The following SGCD variants were observed in gnomAD, a reference collection of about 807,000 sequenced individuals.
SGCD encodes sarcoglycan delta.
A neutral mutation model predicts 36.6 loss-of-function variants in SGCD; 18 were observed. The observed-to-expected ratio is 0.49, with a 90% CI of 0.34 to 0.73. The LOEUF is 0.73. Ranked by LOEUF, SGCD falls within the 30% of genes least tolerant of loss-of-function variation. SGCD has a pLI of 0.01. For synonymous variants in SGCD, 133 were observed against 130.6 expected, an observed-to-expected ratio of 1.02 and a Z score of -0.12; for missense variants, 387 against 346.7, an observed-to-expected ratio of 1.12 and a Z score of -0.92.
rs533887584 is a variant in SGCD, at chr5:156,290,146, C to T, written c.-43-39388C>T. Among the ~76,000 whole-genome samples, 20 of 152,150 alleles carry T rather than the reference C, an allele frequency of 1.3e-4. No individual in the cohort carries two copies. In the South Asian group the frequency reaches 4.2e-3, roughly 32 times the overall value. On this transcript the variant is annotated intron_variant, in intron 3 of 9. Coordinates refer to the SGCD transcript ENST00000517913. Reference sequence around the variant, plus strand: ...TACTGTGGTGAGAGTGCTGTGGGTCCTTTGATCTTCCCAACTACCCTAAAC... The same window carrying T: ...TACTGTGGTGAGAGTGCTGTGGGTCTTTTGATCTTCCCAACTACCCTAAAC...
At chr5:156,045,591 T>C (rs1430984731) in intron 1 of SGCD, among the ~76,000 whole-genome samples, 1 of 152,166 alleles carries the variant, frequency 6.6e-6, no homozygotes, top group Non-Finnish European at 1.5e-5. Context: ...AAAAATTTAC[T>C]TCTTTACACT....
intron 1 of SGCD, among the ~76,000 whole-genome samples, chr5:155,963,807 T>A (rs927340644): frequency 6.6e-4 from 101 of 152,208 alleles, no homozygotes; most frequent in African/African-American, 2.1e-3. Context: ...AGTGTTTTAC[T>A]TTTTTTATAA....
At chr5:155,943,961 A>G (rs1282517266) in intron 1 of SGCD, among the ~76,000 whole-genome samples, 5 of 152,228 alleles carry the variant, frequency 3.3e-5, no homozygotes, top group Admixed American at 1.3e-4. Context: ...TGAAATTTGC[A>G]TCTTTGAACC....
chr5:156,191,394 A>C (rs1763890228), intron 3 of SGCD, among the ~76,000 whole-genome samples: 1 of 152,298 alleles, frequency 6.6e-6, no homozygotes, highest in African/African-American at 2.4e-5. Context: ...ACGCATTAAA[A>C]GGAGTGTCAA....
At chr5:155,973,865 C>T (rs536949451) in intron 1 of SGCD, among the ~76,000 whole-genome samples, 90 of 152,266 alleles carry the variant, frequency 5.9e-4, no homozygotes, top group Non-Finnish European at 9.9e-4. Flanking sequence ...GCTCATTTAA[C>T]CCCAAACCTT....
intron 3 of SGCD, among the ~76,000 whole-genome samples, chr5:156,397,354 T>G (rs1238276921): frequency 1.3e-5 from 2 of 152,216 alleles, no homozygotes; most frequent in Admixed American, 1.3e-4. Context: ...TTGTTTTGCT[T>G]TTTATAAACT....
In SGCD at chr5:156,198,472, C is replaced by T. The variant is rs1054853469; in HGVS notation, c.-44+74453C>T. Reference sequence around the variant, plus strand: ...TTATGAAATAGGCACTGTTATAGTCCCTGCTGTGTAGAGAAGGAATCTGAG... The same window carrying T: ...TTATGAAATAGGCACTGTTATAGTCTCTGCTGTGTAGAGAAGGAATCTGAG... On this transcript the variant is annotated intron_variant, in intron 3 of 9. Transcript: ENST00000517913. 2.6e-5 allele frequency among the ~76,000 whole-genome samples: 4 copies of T among 151,920 alleles called. No homozygotes were observed. The South Asian group carries it at 8.3e-4, about 32-fold the overall frequency.
chr5:156,102,523 A>G (rs990450293), intron 1 of SGCD, among the ~76,000 whole-genome samples: 1 of 152,116 alleles, frequency 6.6e-6, no homozygotes, highest in Non-Finnish European at 1.5e-5. Flanking sequence ...TCTTCAGTAA[A>G]ATAGTTCTGT....
intron 3 of SGCD, among the ~76,000 whole-genome samples, chr5:156,260,527 T>C (rs1219017026): frequency 6.6e-6 from 1 of 152,170 alleles, no homozygotes; most frequent in Non-Finnish European, 1.5e-5. Context: ...TGAATACCCA[T>C]TGTTAGTAAA....
chr5:156,444,246 T>C (rs1753665783), intron 3 of SGCD, among the ~76,000 whole-genome samples: 1 of 151,346 alleles, frequency 6.6e-6, no homozygotes, highest in African/African-American at 2.4e-5. Context: ...GTGTTTCTGT[T>C]TGCTTTTTCC....
At chr5:156,207,173 G>A (rs1764302783) in intron 3 of SGCD, among the ~76,000 whole-genome samples, 1 of 151,946 alleles carries the variant, frequency 6.6e-6, no homozygotes, top group Admixed American at 6.6e-5. Flanking sequence ...GTGTGGGAGG[G>A]TATGACTTCT....
At chr5:156,225,765 G>T (rs1274899568) in intron 3 of SGCD, among the ~76,000 whole-genome samples, 1 of 151,806 alleles carries the variant, frequency 6.6e-6, no homozygotes, top group Non-Finnish European at 1.5e-5. Context: ...TGACAGGAGA[G>T]AATTTTTGAT....
chr5:155,819,715 C>T, the SGCD span, among the ~76,000 whole-genome samples: 1 of 152,148 alleles, frequency 6.6e-6, no homozygotes, highest in Admixed American at 6.5e-5. Context: ...CCACACAGCA[C>T]TTTTTCTGAA....
chr5:156,374,162 A>G (rs1335623544), intron 3 of SGCD, among the ~76,000 whole-genome samples: 1 of 152,064 alleles, frequency 6.6e-6, no homozygotes, highest in East Asian at 1.9e-4. Context: ...AAAAAAAAAA[A>G]ATGCATGGCA....
At chr5:156,460,965 T>C (rs1754459857) in intron 3 of SGCD, among the ~76,000 whole-genome samples, 3 of 152,166 alleles carry the variant, frequency 2.0e-5, no homozygotes. Flanking sequence ...TGAAATTAAT[T>C]AAATATGTGT....
chr5:155,753,457 G>T, the SGCD span, among the ~76,000 whole-genome samples: 4 of 152,076 alleles, frequency 2.6e-5, no homozygotes, highest in African/African-American at 9.7e-5. Context: ...TCATTTATTG[G>T]TTCTAAAAAG....
intron 3 of SGCD, among the ~76,000 whole-genome samples, chr5:156,467,568 A>G (rs1484568738): frequency 6.6e-6 from 1 of 152,256 alleles, no homozygotes; most frequent in African/African-American, 2.4e-5. Context: ...ATAAACAGAG[A>G]TGGAGCATGA....
chr5:156,479,810 A>G (rs969812679), intron 3 of SGCD, among the ~76,000 whole-genome samples: 2 of 152,210 alleles, frequency 1.3e-5, no homozygotes, highest in African/African-American at 2.4e-5. Flanking sequence ...GTTGACACAA[A>G]TCACCCATTC....
chr5:156,726,688 A>G (rs925162804), intron 7 of SGCD, among the ~76,000 whole-genome samples: 1 of 151,994 alleles, frequency 6.6e-6, no homozygotes, highest in African/African-American at 2.4e-5. Flanking sequence ...CTCCTCAAGC[A>G]TGGGTTAGCC....
Sources: allele counts gnomAD v4.1 joint callset (sites outside exome capture counted in the v4.1 genomes callset), GRCh38; gene constraint gnomAD v4.1.1; transcripts MANE v1.5; gene names NCBI Gene and HGNC (gene_info 2026-07-23, HGNC 2026-07-21).